The following GRM1 variants were observed in gnomAD, a reference collection of about 807,000 sequenced individuals.
The protein encoded by GRM1 is glutamate metabotropic receptor 1, also known as metabotropic glutamate receptor 1.
In GRM1, 33 loss-of-function variants were observed where a neutral mutation model predicts 90.9. That is an observed-to-expected ratio of 0.36 (90% CI 0.28 to 0.49). GRM1 has a LOEUF of 0.49. Ranked by LOEUF, GRM1 falls within the 20% of genes least tolerant of loss-of-function variation. The probability of loss-of-function intolerance (pLI) is 0.99; values close to 1 mark genes in which losing one functional copy is unlikely to be tolerated. For missense variants in GRM1, 1,190 were observed against 1,534.3 expected, an observed-to-expected ratio of 0.78 and a Z score of 3.75; for synonymous variants, 700 against 613.2, an observed-to-expected ratio of 1.14 and a Z score of -2.09.
intron 2 of GRM1, among the ~76,000 whole-genome samples, chr6:146,264,853 A>C (rs918351126): frequency 1.6e-4 from 25 of 152,194 alleles, no homozygotes; most frequent in Non-Finnish European, 7.4e-5. Context: ...CATGTTGCAC[A>C]AAAGACATGA....
Position 146,029,802 on chromosome 6 carries a change from C to T in GRM1, c.285C>T (p.Leu95=), listed in dbSNP as rs1250692744. The change falls in exon 1 of 8, where the codon CTC becomes CTT. Residue 95 remains leucine (L), a synonymous_variant. Coordinates refer to ENST00000282753, the MANE Select transcript of GRM1 (RefSeq NM_001278064.2). ...ATAAGATCAACGCGGACCCGGTCCT[C>T]CTGCCCAACATCACCCTGGGCAGTG... ...TLDKINADPV[L]LPNITLGSEI... is the part of the protein sequence containing the mutation. 2.3e-5 allele frequency: 37 copies of T among 1,614,046 alleles called. No individual in the cohort carries two copies. The highest frequency in any genetic ancestry group is 3.0e-5 in the Non-Finnish European group (35 of 1,180,032).
intron 2 of GRM1, among the ~76,000 whole-genome samples, chr6:146,251,712 A>G (rs73575052): frequency 0.053 from 8,105 of 152,080 alleles, 708 homozygotes; most frequent in African/African-American, 0.18. Context: ...TCATAAATCA[A>G]CTCCAACCAT....
chr6:146,338,313 G>A (rs1223410876), intron 3 of GRM1, among the ~76,000 whole-genome samples: 2 of 152,190 alleles, frequency 1.3e-5, no homozygotes, highest in African/African-American at 4.8e-5. Context: ...GCATGGAAAA[G>A]ACAGAGCAGG....
At chr6:146,269,762 C>G (rs1197913000) in intron 2 of GRM1, among the ~76,000 whole-genome samples, 1 of 152,056 alleles carries the variant, frequency 6.6e-6, no homozygotes, top group African/African-American at 2.4e-5. Context: ...TGAGGTGGAA[C>G]AGTTTCATCT....
rs142403298 is a variant in GRM1 at position 146,398,309 on chromosome 6, G to A, written c.1730-460G>A. 2.8e-3 allele frequency among the ~76,000 whole-genome samples: 426 copies of A among 152,310 alleles called. 3 individuals carry two copies. The highest frequency in any genetic ancestry group is 9.9e-3 in the African/African-American group (410 of 41,560). ...TGAAAACACTCTGCTGGCCAAAAAC[G>A]ACTTGTCTATGAGCTGGACTTGCCT... On this transcript the variant is annotated intron_variant, in intron 6 of 7. Coordinates refer to ENST00000282753, the MANE Select transcript of GRM1 (RefSeq NM_001278064.2).
At chr6:146,379,325 C>CT (rs1776230025) in intron 5 of GRM1, among the ~76,000 whole-genome samples, 2 of 152,142 alleles carry the variant, frequency 1.3e-5, no homozygotes, top group Admixed American at 1.3e-4. Flanking sequence ...TTTAAACTCA[C>CT]TAATTCTTTT....
intron 2 of GRM1, among the ~76,000 whole-genome samples, chr6:146,203,188 T>C (rs1297625631): frequency 6.9e-6 from 1 of 145,132 alleles, no homozygotes; most frequent in Admixed American, 7.0e-5. Flanking sequence ...AGAGACTCCG[T>C]CTCAAAATAA....
intron 2 of GRM1, among the ~76,000 whole-genome samples, chr6:146,232,527 A>T (rs554298115): frequency 6.6e-6 from 1 of 152,056 alleles, no homozygotes; most frequent in African/African-American, 2.4e-5. Context: ...TTTTTGTTAC[A>T]AACAATCCAA....
chr6:146,186,095 G>GT (rs111964915), intron 2 of GRM1, among the ~76,000 whole-genome samples: 3,221 of 131,128 alleles, frequency 0.025, 38 homozygotes, highest in East Asian at 0.059. Flanking sequence ...ATTACAGCTG[G>GT]TTTTTTTTTT....
chr6:146,043,096 C>T (rs180741265), intron 1 of GRM1, among the ~76,000 whole-genome samples: 262 of 151,850 alleles, frequency 1.7e-3, no homozygotes, highest in African/African-American at 5.3e-3. Context: ...GAATTTGAGG[C>T]CAGCCTGAGC....
intron 1 of GRM1, among the ~76,000 whole-genome samples, chr6:146,098,029 C>A (rs1195915338): frequency 1.3e-5 from 2 of 152,102 alleles, no homozygotes; most frequent in East Asian, 3.9e-4. Flanking sequence ...GGTGCACAAG[C>A]TCCATAAATA....
intron 5 of GRM1, among the ~76,000 whole-genome samples, chr6:146,368,251 G>GT (rs144737520): frequency 0.056 from 5,377 of 96,816 alleles, 253 homozygotes; most frequent in African/African-American, 0.099. Flanking sequence ...ATTTTCTACA[G>GT]TTTTTTTTTG....
chr6:146,227,971 TTTG>T (rs1780306553), intron 2 of GRM1, among the ~76,000 whole-genome samples: 1 of 152,198 alleles, frequency 6.6e-6, no homozygotes, highest in South Asian at 2.1e-4. Flanking sequence ...ATTTTTTTCT[TTTG>T]TTGTTGTCAA....
At chr6:146,042,716 A>G (rs1582916954) in intron 1 of GRM1, among the ~76,000 whole-genome samples, 1 of 152,040 alleles carries the variant, frequency 6.6e-6, no homozygotes, top group Non-Finnish European at 1.5e-5. Flanking sequence ...ACATATTCCT[A>G]GTAGTGTTAG....
At chr6:146,411,207 A>G (rs1326262084) in intron 7 of GRM1, among the ~76,000 whole-genome samples, 1 of 152,156 alleles carries the variant, frequency 6.6e-6, no homozygotes, top group East Asian at 1.9e-4. Context: ...CCAGTCCAAG[A>G]ATGCTGGAAA....
Position 146,436,755 on chromosome 6 carries a change from AAT to A in GRM1, c.*1962_*1963del, listed in dbSNP as rs892556669. ...TGTGGAATGAATTATACCCCCCTTA[AAT>A]ATCTTTGTTTATGCCTTATGTTCAG... On this transcript the variant is annotated 3_prime_UTR_variant, in exon 8 of 8. Transcript: ENST00000282753. The A allele has an allele frequency of 6.6e-6, 1 of 152,370 alleles. No individual in the cohort carries two copies. Among genetic ancestry groups the A allele is most frequent in the African/African-American group, 2.4e-5 (1 of 41,364 alleles). The allele number at this position is 152,370 out of a possible 1,614,324, so 9.4% of individuals were successfully genotyped here. A position where few individuals can be genotyped will look rare whatever the true frequency, so the allele number is the denominator to read the frequency against.
chr6:146,434,620 CTGACCCCGGA>C lies in GRM1; in HGVS notation c.3413_3422del (p.Thr1138IlefsTer5). 6.2e-7 allele frequency: 1 copy of C among 1,612,722 alleles called. No homozygotes were observed. ...GGAGGACCTGCAGGCGGCCAGCAAA[CTGACCCCGGA>C]TGATTCGCCTGCGCTGACGCCTCCG... On this transcript the variant is annotated frameshift_variant, in exon 8 of 8. Transcript: ENST00000282753. LOFTEE classifies it high-confidence loss of function.
At chr6:146,099,545 A>T (rs2128869987) in intron 1 of GRM1, among the ~76,000 whole-genome samples, 1 of 152,306 alleles carries the variant, frequency 6.6e-6, no homozygotes, top group East Asian at 1.9e-4. Flanking sequence ...TCTACTGCTT[A>T]TACTATCCTG....
chr6:146,408,531 A>C (rs1777440749), intron 7 of GRM1, among the ~76,000 whole-genome samples: 1 of 152,232 alleles, frequency 6.6e-6, no homozygotes, highest in African/African-American at 2.4e-5. Flanking sequence ...AGCCCGTGAC[A>C]TTAAAATTAT....
Sources: gnomAD v4.1 joint callset for allele counts (sites outside exome capture counted in the v4.1 genomes callset) on GRCh38, gnomAD v4.1.1 for gene constraint, MANE v1.5 for transcripts, NCBI Gene and HGNC (gene_info 2026-07-23, HGNC 2026-07-21) for gene names.